Variants in PCGF6 observed in about 807,000 individuals in gnomAD.
The protein encoded by PCGF6 is polycomb group RING finger protein 6.
Under a neutral mutation model 45.5 loss-of-function variants are expected in PCGF6, and 24 were observed. That is an observed-to-expected ratio of 0.53 (90% confidence interval 0.38 to 0.74). The LOEUF is 0.74. Among genes scored for constraint, PCGF6 ranks in the 30% least tolerant of loss-of-function variants. The pLI, the probability that PCGF6 is intolerant of heterozygous loss-of-function variation, is 0.00. For missense variants in PCGF6, 356 were observed against 443.2 expected, an observed-to-expected ratio of 0.80 and a Z score of 1.77; for synonymous variants, 152 against 162.1, an observed-to-expected ratio of 0.94 and a Z score of 0.47.
At chr10:103,318,791 G>T (rs1011141682) in intron 8 of PCGF6, among the ~76,000 whole-genome samples, 1 of 151,924 alleles carries the variant, frequency 6.6e-6, no homozygotes, top group African/African-American at 2.4e-5. Context: ...GTTGGCACTC[G>T]CTGTCTAACA....
intron 9 of PCGF6, among the ~76,000 whole-genome samples, chr10:103,307,338 G>A (rs1241931126): frequency 1.3e-5 from 2 of 151,930 alleles, no homozygotes; most frequent in African/African-American, 4.8e-5. Flanking sequence ...ACGGGAGGCT[G>A]AGGCAGGAGG....
chr10:103,330,205 A>G (rs1355009126), intron 7 of PCGF6, among the ~76,000 whole-genome samples: 1 of 151,728 alleles, frequency 6.6e-6, no homozygotes, highest in Non-Finnish European at 1.5e-5. Context: ...CCTCCTGAGT[A>G]CCTGGGATTA....
At chr10:103,304,465 C>T (rs752938574) in intron 9 of PCGF6, among the ~76,000 whole-genome samples, 1 of 151,668 alleles carries the variant, frequency 6.6e-6, no homozygotes, top group Non-Finnish European at 1.5e-5. Flanking sequence ...CTCAGCCTAC[C>T]GAGTAGCTGC....
At chr10:103,309,118 G>A (rs547441704) in intron 9 of PCGF6, among the ~76,000 whole-genome samples, 89 of 151,512 alleles carry the variant, frequency 5.9e-4, no homozygotes, top group Non-Finnish European at 9.4e-4. Flanking sequence ...TTGAGTTAAT[G>A]CTGAAAATGA....
chr10:103,303,713 C>T lies in PCGF6; in HGVS notation c.*192G>A. 2.3e-6 allele frequency: 1 copy of T among 429,360 alleles called. No homozygotes were observed. The highest frequency in any genetic ancestry group is 4.2e-6 in the Non-Finnish European group (1 of 239,218). 26.6% of individuals were successfully genotyped at this position (429,360 alleles called of 1,614,324 possible). A position where few individuals can be genotyped will look rare whatever the true frequency, so the allele number is the denominator to read the frequency against. On this transcript the variant is annotated 3_prime_UTR_variant, in exon 10 of 10. Transcript: ENST00000369847. Reference sequence around the variant, plus strand: ...CTGAGCTTTGGCTGCTTTTTATATACAGTCTCTAGTAACAGATGCATTCCA... The same window carrying T: ...CTGAGCTTTGGCTGCTTTTTATATATAGTCTCTAGTAACAGATGCATTCCA...
chr10:103,339,830 C>A (rs750604369), intron 6 of PCGF6, among the ~76,000 whole-genome samples: 3,105 of 129,692 alleles, frequency 0.024, 242 homozygotes, highest in Admixed American at 0.086. Flanking sequence ...CACACACACA[C>A]ACACACACAC....
At chr10:103,306,551 G>A (rs1170617182) in intron 9 of PCGF6, among the ~76,000 whole-genome samples, 1 of 152,090 alleles carries the variant, frequency 6.6e-6, no homozygotes, top group East Asian at 1.9e-4. Flanking sequence ...GTGCTGCTCT[G>A]GCTATTACTC....
At chr10:103,341,143 C>T (rs1410824402) in intron 6 of PCGF6, among the ~76,000 whole-genome samples, 1 of 151,750 alleles carries the variant, frequency 6.6e-6, no homozygotes, top group African/African-American at 2.4e-5. Flanking sequence ...GCAGGAGAAT[C>T]GCTTGAACCC....
intron 8 of PCGF6, among the ~76,000 whole-genome samples, chr10:103,319,813 C>T (rs1003466118): frequency 1.3e-4 from 20 of 151,918 alleles, no homozygotes; most frequent in African/African-American, 4.8e-4. Flanking sequence ...ATAATAATAA[C>T]CTAACTTTTT....
chr10:103,347,156 C>CA (rs1412292205), intron 5 of PCGF6, 82 bp downstream of exon 5: 2 of 1,087,004 alleles, frequency 1.8e-6, no homozygotes, highest in African/African-American at 1.6e-5. Context: ...AAGCTACCCC[C>CA]AAAAGGAACT....
At chr10:103,349,479 G>GTTTTTTT (rs11450842) in intron 1 of PCGF6, among the ~76,000 whole-genome samples, 2 of 108,160 alleles carry the variant, frequency 1.8e-5, no homozygotes, top group African/African-American at 3.6e-5. Context: ...CTTTCTTTCC[G>GTTTTTTT]TTTTTTTTTT....
At chr10:103,347,979 T>C (rs1391614536) in intron 3 of PCGF6, among the ~76,000 whole-genome samples, 1 of 136,952 alleles carries the variant, frequency 7.3e-6, no homozygotes, top group African/African-American at 2.7e-5. Context: ...ATTTGTTGAA[T>C]AACAGTAATC....
At chr10:103,344,084 T>C (rs976873669) in intron 6 of PCGF6, among the ~76,000 whole-genome samples, 2 of 152,088 alleles carry the variant, frequency 1.3e-5, no homozygotes, top group Non-Finnish European at 2.9e-5. Flanking sequence ...AATATATTCA[T>C]TTTAATGGAA....
chr10:103,318,213 C>T (rs573614365), intron 8 of PCGF6, among the ~76,000 whole-genome samples: 4 of 150,810 alleles, frequency 2.7e-5, no homozygotes, highest in South Asian at 2.1e-4. Flanking sequence ...GAGGCCGAGA[C>T]GGGCAGATCA....
intron 9 of PCGF6, among the ~76,000 whole-genome samples, chr10:103,306,772 A>C (rs1458479610): frequency 6.6e-6 from 1 of 152,216 alleles, no homozygotes; most frequent in Non-Finnish European, 1.5e-5. Flanking sequence ...GTTGAAGACC[A>C]GTGGTAAACC....
chr10:103,347,208 A>G (rs778074109), intron 5 of PCGF6, 30 bp downstream of exon 5: 1 of 1,502,910 alleles, frequency 6.7e-7, no homozygotes, highest in Non-Finnish European at 9.2e-7. Context: ...TTTAATCTGT[A>G]AGTACATTAT....
intron 9 of PCGF6, 39 bp downstream of exon 9, chr10:103,314,147 G>C (rs779092277): frequency 7.5e-7 from 1 of 1,333,146 alleles, no homozygotes; most frequent in South Asian, 1.4e-5. Flanking sequence ...CTTTCACTAA[G>C]TAACTTATCT....
intron 8 of PCGF6, among the ~76,000 whole-genome samples, chr10:103,315,968 A>ATGTGTGTG (rs755606997): frequency 8.4e-6 from 1 of 118,910 alleles, no homozygotes; most frequent in African/African-American, 2.9e-5. Context: ...AACAGCTTAT[A>ATGTGTGTG]TGTGTGTGTG....
At chr10:103,347,152 C>T (rs1469375148) in intron 5 of PCGF6, 86 bp downstream of exon 5, 13 of 997,946 alleles carry the variant, frequency 1.3e-5, no homozygotes, top group African/African-American at 4.9e-5. Flanking sequence ...TAATAAGCTA[C>T]CCCCAAAAGG....
Sources: gnomAD v4.1 joint callset for allele counts (sites outside exome capture counted in the v4.1 genomes callset) on GRCh38, gnomAD v4.1.1 for gene constraint, MANE v1.5 for transcripts, NCBI Gene and HGNC (gene_info 2026-07-23, HGNC 2026-07-21) for gene names.